The following MPC2 variants were observed in gnomAD, a reference collection of about 807,000 sequenced individuals.
MPC2 encodes mitochondrial pyruvate carrier 2, also known as brain protein 44.
A neutral mutation model predicts 19.2 loss-of-function variants in MPC2; 19 were observed. That is an observed-to-expected ratio of 0.99 (90% CI 0.69 to 1.45). MPC2 has a LOEUF of 1.45. Ranked by LOEUF, MPC2 falls within the 40% of genes most tolerant of loss-of-function variation. The pLI is 0.00. For missense variants in MPC2, 122 were observed against 153.0 expected, an observed-to-expected ratio of 0.80 and a Z score of 1.07; for synonymous variants, 61 against 54.3, an observed-to-expected ratio of 1.12 and a Z score of -0.54.
rs1254321959 is a variant in MPC2, at chr1:167,917,270, C to CAGGT, written c.*1049_*1052dup. 2 of 152,172 alleles carry CAGGT rather than the reference C, an allele frequency of 1.3e-5. No individual in the cohort carries two copies. Among genetic ancestry groups the CAGGT allele is most frequent in the African/African-American group, 4.8e-5 (2 of 41,430 alleles). 9.4% of individuals were successfully genotyped at this position (152,172 alleles called of 1,614,324 possible). A position where few individuals can be genotyped will look rare whatever the true frequency, so the allele number is the denominator to read the frequency against. On this transcript the variant is annotated 3_prime_UTR_variant, in exon 6 of 6. Transcript: ENST00000271373. ...ATTTACAGAAAACCTACTTATGTCCCAGGTACTCTGCTAGGTACTTTCCTA... is the reference window on the plus strand; with the variant it reads ...ATTTACAGAAAACCTACTTATGTCCCAGGTAGGTACTCTGCTAGGTACTTTCCTA...
In MPC2 at chr1:167,929,588, C is replaced by T. The variant is rs1292068881; in HGVS notation, c.110-5051G>A. Among the ~76,000 whole-genome samples the T allele has an allele frequency of 2.6e-5, 4 of 152,262 alleles. No homozygotes were observed. The East Asian group carries it at 7.7e-4, about 29-fold the overall frequency. On this transcript the variant is annotated intron_variant, in intron 2 of 5. Coordinates refer to ENST00000271373, the MANE Select transcript of MPC2 (RefSeq NM_001143674.4). Reference sequence around the variant, plus strand: ...AAACAAATTTAGTTGCCTTGAACTTCAATGAACCTATTAATAAACTGACAT... The same window carrying T: ...AAACAAATTTAGTTGCCTTGAACTTTAATGAACCTATTAATAAACTGACAT...
intron 2 of MPC2, among the ~76,000 whole-genome samples, chr1:167,928,645 C>A (rs1200536768): frequency 6.6e-6 from 1 of 152,190 alleles, no homozygotes; most frequent in African/African-American, 2.4e-5. Flanking sequence ...AATACAATGT[C>A]ACATGTGTCA....
Position 167,934,282 on chromosome 1 carries a change from T to C in MPC2, c.109+1451A>G, listed in dbSNP as rs950891757. Among the ~76,000 whole-genome samples the C allele has an allele frequency of 2.6e-5, 4 of 152,332 alleles. No individual in the cohort carries two copies. The East Asian group carries it at 7.7e-4, about 29-fold the overall frequency. ...ATTTTAAGTAGTTTAAAATTACTCT[T>C]ACTCTGTCATGCCCTTATCCTACAG... On this transcript the variant is annotated intron_variant, in intron 2 of 5. Transcript: ENST00000271373.
chr1:167,930,138 T>A (rs774740373), intron 2 of MPC2, among the ~76,000 whole-genome samples: 5 of 152,214 alleles, frequency 3.3e-5, no homozygotes, highest in African/African-American at 4.8e-5. Context: ...ATAATTTTAA[T>A]ATTTTCCACA....
chr1:167,936,110 C>T, intron 1 of MPC2: 1 of 529,886 alleles, frequency 1.9e-6, no homozygotes. Flanking sequence ...GCCATGGCAA[C>T]AGGTGCCAAA....
rs1164713381 is a variant in MPC2 at position 167,927,498 on chromosome 1, T to G, written c.110-2961A>C. Reference sequence around the variant, plus strand: ...GCTTCATCAATCAAGAGTCAGTCCATGTATTGTTTTAGTCTCTGGCTGAAT... The same window carrying G: ...GCTTCATCAATCAAGAGTCAGTCCAGGTATTGTTTTAGTCTCTGGCTGAAT... On this transcript the variant is annotated intron_variant, in intron 2 of 5. Transcript: ENST00000271373. 2.0e-5 allele frequency among the ~76,000 whole-genome samples: 3 copies of G among 152,194 alleles called. No individual in the cohort carries two copies. The South Asian group carries it at 6.2e-4, about 32-fold the overall frequency.
chr1:167,935,633 T>C (rs1314790244), intron 2 of MPC2, 100 bp downstream of exon 2: 10 of 914,972 alleles, frequency 1.1e-5, no homozygotes, highest in East Asian at 2.7e-5. Flanking sequence ...ATTGGGGCTG[T>C]GGATGCCTCT....
intron 1 of MPC2, chr1:167,936,230 ACCT>A (rs1334975283): frequency 2.1e-5 from 5 of 234,200 alleles, no homozygotes; most frequent in East Asian, 2.5e-4. Flanking sequence ...TCGAGCGGAA[ACCT>A]CCTCCTTCTC....
intron 2 of MPC2, among the ~76,000 whole-genome samples, chr1:167,929,179 A>G (rs541868996): frequency 6.6e-6 from 1 of 151,112 alleles, no homozygotes; most frequent in East Asian, 1.9e-4. Flanking sequence ...ACCAACATGG[A>G]GAAACCCCAT....
Position 167,924,556 on chromosome 1 carries a change from G to C in MPC2, c.110-19C>G, listed in dbSNP as rs763576810. On this transcript the variant is annotated intron_variant, in intron 2 of 5. Transcript: ENST00000271373. ...CTGGGACCTGAAAAAAAAAAGAAAAGAAAAATTCAGGAATAAACCAAATAT... is the reference window on the plus strand; with the variant it reads ...CTGGGACCTGAAAAAAAAAAGAAAACAAAAATTCAGGAATAAACCAAATAT... 9.4e-6 allele frequency: 14 copies of C among 1,484,288 alleles called. No homozygotes were observed. In the East Asian group the frequency reaches 3.4e-4, roughly 36 times the overall value. 91.9% of individuals were successfully genotyped at this position (1,484,288 alleles called of 1,614,324 possible).
At position 167,916,834 on chromosome 1, in the gene MPC2, C is replaced by A. The variant is rs940142327; in HGVS notation, c.*1489G>T. 2 of 152,194 alleles carry A rather than the reference C, an allele frequency of 1.3e-5. No individual in the cohort carries two copies. The highest frequency in any genetic ancestry group is 2.9e-5 in the Non-Finnish European group (2 of 68,036). The allele number at this position is 152,194 out of a possible 1,614,324, so 9.4% of individuals were successfully genotyped here. A position where few individuals can be genotyped will look rare whatever the true frequency, so the allele number is the denominator to read the frequency against. ...CATGTGTGCACACCCATGCCAAACACACAAATGAATTTAACAGTGTGGTTT... is the reference window on the plus strand; with the variant it reads ...CATGTGTGCACACCCATGCCAAACAAACAAATGAATTTAACAGTGTGGTTT... On this transcript the variant is annotated 3_prime_UTR_variant, in exon 6 of 6. Transcript: ENST00000271373.
intron 2 of MPC2, among the ~76,000 whole-genome samples, chr1:167,925,476 C>CT (rs1557854146): frequency 1.4e-5 from 1 of 69,802 alleles, no homozygotes; most frequent in African/African-American, 6.0e-5. Context: ...TATATATATA[C>CT]ATATACATAT....
rs1670484582 is a variant in MPC2, at chr1:167,917,517, G to A, written c.*806C>T. ...GGAGGCTGAGGCAGGAGGATCACTT[G>A]AGCCCAGGAGGTAGGGTTTGCAGTG... is the stretch of plus-strand genomic sequence containing the variant. On this transcript the variant is annotated 3_prime_UTR_variant, in exon 6 of 6. Coordinates refer to ENST00000271373, the MANE Select transcript of MPC2 (RefSeq NM_001143674.4). 6.6e-6 allele frequency: 1 copy of A among 151,266 alleles called. No homozygotes were observed. The highest frequency in any genetic ancestry group is 2.1e-4 in the South Asian group (1 of 4,800). 9.4% of individuals were successfully genotyped at this position (151,266 alleles called of 1,614,324 possible).
In MPC2 at chr1:167,918,178, C is replaced by T. The variant is rs1050037; in HGVS notation, c.*145G>A. The T allele has an allele frequency of 0.11, 64,750 of 582,894 alleles. 4,671 individuals are homozygous for T. The highest frequency in any genetic ancestry group is 0.28 in the African/African-American group (14,644 of 52,606). The allele number at this position is 582,894 out of a possible 1,614,324, so 36.1% of individuals were successfully genotyped here. On this transcript the variant is annotated 3_prime_UTR_variant, in exon 6 of 6. Coordinates refer to ENST00000271373, the MANE Select transcript of MPC2 (RefSeq NM_001143674.4). ...AGAGACTGTTATTAAAAGTTTGCTG[C>T]ATTTTTCTATTGAATCAAGAACTAG...
intron 3 of MPC2, among the ~76,000 whole-genome samples, chr1:167,922,327 A>C (rs1282479226): frequency 6.6e-6 from 1 of 152,136 alleles, no homozygotes; most frequent in Admixed American, 6.5e-5. Flanking sequence ...ACAGTAATGA[A>C]CCAGTTCAAA....
chr1:167,935,429 T>C (rs548398942), intron 2 of MPC2, among the ~76,000 whole-genome samples: 1 of 152,070 alleles, frequency 6.6e-6, no homozygotes, highest in African/African-American at 2.4e-5. Flanking sequence ...CCCAGACAGT[T>C]TGGTGGCCGC....
rs1183214154 is a variant in MPC2, at chr1:167,935,874, A to G, written c.-33T>C. On this transcript the variant is annotated 5_prime_UTR_variant, in exon 2 of 6. Transcript: ENST00000271373. ...GAGGGATCGTTGGCAGCCGGGTGGG[A>G]GCGTGGCTGTGTTCTCGTCCCTGGC... The G allele has an allele frequency of 1.3e-6, 2 of 1,499,108 alleles. No individual in the cohort carries two copies. The highest frequency in any genetic ancestry group is 2.8e-5 in the African/African-American group (2 of 71,876). 92.9% of individuals were successfully genotyped at this position (1,499,108 alleles called of 1,614,324 possible). A position where few individuals can be genotyped will look rare whatever the true frequency, so the allele number is the denominator to read the frequency against.
chr1:167,924,917 T>C (rs1670695499), intron 2 of MPC2, among the ~76,000 whole-genome samples: 1 of 152,184 alleles, frequency 6.6e-6, no homozygotes, highest in Non-Finnish European at 1.5e-5. Context: ...TTTTTGTGCA[T>C]TTTGGCTGAA....
At chr1:167,924,110 C>G (rs1311107355) in intron 3 of MPC2, among the ~76,000 whole-genome samples, 1 of 152,166 alleles carries the variant, frequency 6.6e-6, no homozygotes, top group Non-Finnish European at 1.5e-5. Context: ...TTGAGAGTAA[C>G]TTTCCTCACC....
Sources: allele counts gnomAD v4.1 joint callset (sites outside exome capture counted in the v4.1 genomes callset), GRCh38; gene constraint gnomAD v4.1.1; transcripts MANE v1.5; gene names NCBI Gene and HGNC (gene_info 2026-07-23, HGNC 2026-07-21).